The following POLDIP3 variants were observed in gnomAD, a reference collection of about 807,000 sequenced individuals.
The protein encoded by POLDIP3 is DNA polymerase delta interacting protein 3.
A neutral mutation model predicts 45.1 loss-of-function variants in POLDIP3; 14 were observed. The observed-to-expected ratio is 0.31, with a 90% CI of 0.20 to 0.49. The LOEUF (loss-of-function observed/expected upper bound fraction) is 0.49, where lower values mean the gene tolerates loss of function less well. POLDIP3 is among the 20% of genes least tolerant of loss of function. POLDIP3 has a pLI of 0.99. For synonymous variants in POLDIP3, 223 were observed against 205.2 expected (o/e 1.09, Z -0.74); for missense variants, 511 against 538.8 (o/e 0.95, Z 0.51).
Position 42,596,279 on chromosome 22 carries a change from A to G in POLDIP3, c.720T>C (p.Ala240=). 6.2e-7 allele frequency: 1 copy of G among 1,614,046 alleles called. No homozygotes were observed. The highest frequency in any genetic ancestry group is 8.5e-7 in the Non-Finnish European group (1 of 1,179,934). ...CTTTTGTTCGAATAGAGGAAGGGAGAGCAGGAGCTGTGTATGCATCATTCT... is the reference window on the plus strand; with the variant it reads ...CTTTTGTTCGAATAGAGGAAGGGAGGGCAGGAGCTGTGTATGCATCATTCT... ...VVQNDAYTAP[A]LPSSIRTKAL... Residue 240 remains alanine, a synonymous_variant, in exon 5 of 9, where the codon GCT becomes GCC. Transcript: ENST00000252115.
At chr22:42,590,552 A>C (rs1237633238) in intron 7 of POLDIP3, among the ~76,000 whole-genome samples, 1 of 152,218 alleles carries the variant, frequency 6.6e-6, no homozygotes, top group African/African-American at 2.4e-5. Flanking sequence ...GAAAAAATAC[A>C]GTAAAAATAT....
intron 3 of POLDIP3, among the ~76,000 whole-genome samples, chr22:42,601,718 G>A (rs934912326): frequency 6.6e-6 from 1 of 152,048 alleles, no homozygotes; most frequent in Non-Finnish European, 1.5e-5. Flanking sequence ...CCGAGATTAC[G>A]CCACTGCACT....
chr22:42,594,335 A>AC (rs1925853366), intron 6 of POLDIP3, among the ~76,000 whole-genome samples: 2 of 151,590 alleles, frequency 1.3e-5, no homozygotes, highest in South Asian at 4.2e-4. Context: ...ACATGGTGAA[A>AC]CCCTGCCTCT....
At chr22:42,614,173 TC>T (rs1194592014) in intron 1 of POLDIP3, among the ~76,000 whole-genome samples, 1 of 152,116 alleles carries the variant, frequency 6.6e-6, no homozygotes, top group Non-Finnish European at 1.5e-5. Context: ...CTCTACCACT[TC>T]CAGCCTCAAG....
At chr22:42,590,808 T>C (rs1024130830) in intron 7 of POLDIP3, among the ~76,000 whole-genome samples, 1 of 152,234 alleles carries the variant, frequency 6.6e-6, no homozygotes, top group Non-Finnish European at 1.5e-5. Context: ...CAGTGGCTCA[T>C]GCCTATAATC....
rs886904589 is a variant in POLDIP3 at position 42,599,704 on chromosome 22, G to A, written c.627C>T (p.His209=). 8 of 1,601,314 alleles carry A rather than the reference G, an allele frequency of 5.0e-6. No individual in the cohort carries two copies. Among genetic ancestry groups the A allele is most frequent in the Non-Finnish European group, 6.8e-6 (8 of 1,168,656 alleles). The change falls in exon 4 of 9, where the codon CAC becomes CAT. Residue 209 remains histidine (H), a synonymous_variant. Transcript: ENST00000252115. Reference sequence around the variant, plus strand: ...AAAACATGAAATGCCATACCATGTGGTGGAGAAAGCCGCCTGAGGCTGCAA... The same window carrying A: ...AAAACATGAAATGCCATACCATGTGATGGAGAAAGCCGCCTGAGGCTGCAA... ...MKFAASGGFL[H]HMAGLSSSKL...
intron 4 of POLDIP3, among the ~76,000 whole-genome samples, chr22:42,599,032 C>G (rs549727522): frequency 6.6e-6 from 1 of 152,366 alleles, no homozygotes; most frequent in East Asian, 1.9e-4. Context: ...ACTCCAAGAG[C>G]AGCGCCAGAG....
Position 42,599,757 on chromosome 22 carries a change from C to A in POLDIP3, c.574G>T (p.Ala192Ser). ...TTCATCTGTTTAGTAGGAACGGAAG[C>A]TATACCATCATCATCTTCATCCAGG... is the stretch of plus-strand genomic sequence containing the variant. The part of the protein sequence containing the change: ...YDLDEDDDGI[A>S]SVPTKQMKFA... The change falls in exon 4 of 9, where the codon GCT becomes TCT. Residue 192 changes from alanine to serine, a missense_variant. Transcript: ENST00000252115. The A allele has an allele frequency of 6.2e-7, 1 of 1,612,096 alleles. No individual in the cohort carries two copies. Among genetic ancestry groups the A allele is most frequent in the South Asian group, 1.1e-5 (1 of 90,990 alleles).
intron 6 of POLDIP3, among the ~76,000 whole-genome samples, chr22:42,593,919 A>G (rs550443769): frequency 5.8e-4 from 88 of 152,314 alleles, no homozygotes; most frequent in African/African-American, 2.0e-3. Flanking sequence ...GCTAAAGGAG[A>G]AGGAGATACG....
At chr22:42,603,266 C>T in intron 1 of POLDIP3, 106 bp from the exon 2 acceptor site, 2 of 1,207,220 alleles carry the variant, frequency 1.7e-6, no homozygotes, top group Non-Finnish European at 2.3e-6. Context: ...CCTGGAGAAT[C>T]AGAAAGCGGC....
chr22:42,605,641 T>C (rs1458223833), intron 1 of POLDIP3, among the ~76,000 whole-genome samples: 2 of 152,176 alleles, frequency 1.3e-5, no homozygotes, highest in Admixed American at 6.5e-5. Context: ...ATTTTTTTAA[T>C]GTGAGGACTC....
At chr22:42,589,453 T>C (rs1925532379) in intron 7 of POLDIP3, among the ~76,000 whole-genome samples, 1 of 152,006 alleles carries the variant, frequency 6.6e-6, no homozygotes, top group Non-Finnish European at 1.5e-5. Flanking sequence ...TATATGCAAG[T>C]AACAACAGAA....
intron 1 of POLDIP3, among the ~76,000 whole-genome samples, chr22:42,608,067 C>T (rs760525344): frequency 2.0e-5 from 3 of 152,238 alleles, no homozygotes; most frequent in Non-Finnish European, 4.4e-5. Context: ...GTGTACCCAA[C>T]AGCTCATTGA....
chr22:42,590,509 G>C (rs971360722), intron 7 of POLDIP3, among the ~76,000 whole-genome samples: 2 of 151,880 alleles, frequency 1.3e-5, no homozygotes, highest in African/African-American at 4.8e-5. Flanking sequence ...CTACTGAGTA[G>C]AGTAGGCAAC....
At chr22:42,607,264 G>C (rs944403179) in intron 1 of POLDIP3, among the ~76,000 whole-genome samples, 1 of 152,186 alleles carries the variant, frequency 6.6e-6, no homozygotes, top group Non-Finnish European at 1.5e-5. Flanking sequence ...GGCGCGCACC[G>C]CCATGCCTGA....
In POLDIP3 at chr22:42,585,939, T is replaced by C. The variant is rs746008482; in HGVS notation, c.1118A>G (p.Lys373Arg). 4 of 1,612,758 alleles carry C rather than the reference T, an allele frequency of 2.5e-6. No individual in the cohort carries two copies. The highest frequency in any genetic ancestry group is 1.7e-5 in the Admixed American group (1 of 59,828). ...CACCCTGCGAGGCAGCTCGCTCTCCTTTTTCATTGATGGGCTGTCACTCAG... is the reference window on the plus strand; with the variant it reads ...CACCCTGCGAGGCAGCTCGCTCTCCCTTTTCATTGATGGGCTGTCACTCAG... ...LRLSDSPSMK[K>R]ESELPRRVNS... Residue 373 changes from lysine (K) to arginine (R), a missense_variant, in exon 9 of 9, where the codon AAG (lysine) becomes AGG (arginine). Physicochemically the swap from Lys to Arg is conservative, Grantham distance 26. Transcript: ENST00000252115.
intron 1 of POLDIP3, among the ~76,000 whole-genome samples, chr22:42,607,406 A>G (rs945578467): frequency 6.6e-6 from 1 of 152,202 alleles, no homozygotes; most frequent in Non-Finnish European, 1.5e-5. Context: ...GTCTCGCTCA[A>G]TCAGTGCTCG....
intron 1 of POLDIP3, among the ~76,000 whole-genome samples, chr22:42,605,199 C>G (rs961431896): frequency 1.3e-5 from 2 of 152,248 alleles, no homozygotes. Context: ...GCAATCTTGG[C>G]TCACCGCAAG....
At position 42,586,834 on chromosome 22, in the gene POLDIP3, TCA is replaced by T. The variant is rs576257755; in HGVS notation, c.1088+670_1088+671del. On this transcript the variant is annotated intron_variant, in intron 8 of 8. Coordinates refer to ENST00000252115, the MANE Select transcript of POLDIP3 (RefSeq NM_032311.5). The stretch of plus-strand genomic sequence containing the variant: ...CTTCCTTATCTAGAAGGTGAAGTCC[TCA>T]CAGTCTCAACATTTTATGCATCTCA... Among the ~76,000 whole-genome samples, 14 of 152,294 alleles carry T rather than the reference TCA, an allele frequency of 9.2e-5. No individual in the cohort carries two copies. The East Asian group carries it at 2.7e-3, about 29-fold the overall frequency.
Sources: gnomAD v4.1 joint callset for allele counts (sites outside exome capture counted in the v4.1 genomes callset) on GRCh38, gnomAD v4.1.1 for gene constraint, MANE v1.5 for transcripts, NCBI Gene and HGNC (gene_info 2026-07-23, HGNC 2026-07-21) for gene names.